SYN3: variants seen among roughly 807,000 people sequenced by gnomAD.
The protein encoded by SYN3 is synapsin-3.
SYN3 carries 35 observed loss-of-function variants against 65.8 expected under a neutral mutation model. The observed-to-expected ratio is 0.53, with a 90% CI of 0.41 to 0.70. The LOEUF (loss-of-function observed/expected upper bound fraction) is 0.70. Ranked by LOEUF, SYN3 falls within the 30% of genes least tolerant of loss-of-function variation. The pLI is 0.00. For missense variants in SYN3, 680 were observed against 749.0 expected (o/e 0.91, Z 1.08); for synonymous variants, 270 against 292.9 (o/e 0.92, Z 0.80).
At chr22:32,716,635 A>C (rs1287081843) in intron 6 of SYN3, among the ~76,000 whole-genome samples, 3 of 152,000 alleles carry the variant, frequency 2.0e-5, no homozygotes, top group African/African-American at 7.2e-5. Context: ...AGTTCAAGTC[A>C]TCCTCCCATC....
intron 7 of SYN3, among the ~76,000 whole-genome samples, chr22:32,557,410 A>C (rs76073667): frequency 0.015 from 2,259 of 152,274 alleles, 58 homozygotes; most frequent in African/African-American, 0.052. Flanking sequence ...AACAATTCAC[A>C]GTGGGTGTTG....
chr22:32,904,289 C>G (rs1374257016), intron 4 of SYN3, among the ~76,000 whole-genome samples: 2 of 152,232 alleles, frequency 1.3e-5, no homozygotes, highest in Admixed American at 6.5e-5. Flanking sequence ...CAATATGGCT[C>G]TGCGAGGCCT....
chr22:32,871,562 T>A (rs2048850095), intron 4 of SYN3, among the ~76,000 whole-genome samples: 1 of 152,128 alleles, frequency 6.6e-6, no homozygotes, highest in Non-Finnish European at 1.5e-5. Flanking sequence ...GGCTACAAGG[T>A]CCCAAATGGG....
At chr22:32,900,371 C>G (rs1396074667) in intron 4 of SYN3, among the ~76,000 whole-genome samples, 1 of 152,312 alleles carries the variant, frequency 6.6e-6, no homozygotes, top group South Asian at 2.1e-4. Flanking sequence ...CTGCAAAGTT[C>G]CGGGCAAATT....
At chr22:32,790,457 G>A (rs1167141337) in intron 6 of SYN3, among the ~76,000 whole-genome samples, 3 of 138,774 alleles carry the variant, frequency 2.2e-5, no homozygotes, top group African/African-American at 5.3e-5. Context: ...ACGGAGTCTC[G>A]CTTTGTTGCC....
At chr22:32,718,359 C>T (rs1239299044) in intron 6 of SYN3, among the ~76,000 whole-genome samples, 1 of 152,046 alleles carries the variant, frequency 6.6e-6, no homozygotes, top group African/African-American at 2.4e-5. Flanking sequence ...ACTTCTCTGA[C>T]CTCAATGCTC....
chr22:32,581,230 T>C (rs3788461), intron 7 of SYN3, among the ~76,000 whole-genome samples: 77,886 of 152,048 alleles, frequency 0.51, 22,871 homozygotes, highest in East Asian at 0.69. Flanking sequence ...GTGCTTCAGC[T>C]TCCTGAGCAG....
At chr22:32,514,087 T>TG (rs2057731270) in intron 13 of SYN3, among the ~76,000 whole-genome samples, 1 of 152,162 alleles carries the variant, frequency 6.6e-6, no homozygotes, top group Admixed American at 6.5e-5. Flanking sequence ...CAGCAAGTAA[T>TG]GGGGGAGCAC....
At chr22:32,694,807 C>T (rs1251092413) in intron 6 of SYN3, among the ~76,000 whole-genome samples, 1 of 152,220 alleles carries the variant, frequency 6.6e-6, no homozygotes, top group Non-Finnish European at 1.5e-5. Context: ...TGTCCACCTC[C>T]TCTATTGAAC....
intron 6 of SYN3, among the ~76,000 whole-genome samples, chr22:32,640,746 A>G (rs995650349): frequency 2.0e-5 from 3 of 152,178 alleles, no homozygotes; most frequent in African/African-American, 7.2e-5. Context: ...GGGCGCCTGT[A>G]GTCCCAGCTA....
At chr22:33,045,303 A>G (rs2054040364) in intron 1 of SYN3, among the ~76,000 whole-genome samples, 3 of 152,080 alleles carry the variant, frequency 2.0e-5, no homozygotes, top group Admixed American at 2.0e-4. Context: ...AACTGCTTAG[A>G]GTAAATCTCC....
chr22:32,781,324 G>C (rs553718971), intron 6 of SYN3, among the ~76,000 whole-genome samples: 32 of 152,148 alleles, frequency 2.1e-4, no homozygotes, highest in African/African-American at 7.7e-4. Context: ...GTACCTTATA[G>C]AACAAGTACA....
chr22:32,598,318 G>T (rs970302983), intron 6 of SYN3, among the ~76,000 whole-genome samples: 1 of 152,154 alleles, frequency 6.6e-6, no homozygotes, highest in Non-Finnish European at 1.5e-5. Flanking sequence ...GCCTTAGAAG[G>T]CAACCAGGGA....
chr22:32,671,849 G>GCACACACACGCTCTCACACAGGTA (rs2060375637), intron 6 of SYN3, among the ~76,000 whole-genome samples: 1 of 149,182 alleles, frequency 6.7e-6, no homozygotes, highest in Non-Finnish European at 1.5e-5. Context: ...TCACAAAGGT[G>GCACACACACGCTCTCACACAGGTA]CACACACACG....
At chr22:32,724,363 A>G (rs980042790) in intron 6 of SYN3, among the ~76,000 whole-genome samples, 3 of 152,152 alleles carry the variant, frequency 2.0e-5, no homozygotes, top group African/African-American at 7.2e-5. Context: ...TGTATCTGGG[A>G]CTACAGAAGG....
chr22:32,733,290 A>G (rs1044349142), intron 6 of SYN3, among the ~76,000 whole-genome samples: 7 of 152,194 alleles, frequency 4.6e-5, no homozygotes, highest in African/African-American at 1.7e-4. Flanking sequence ...TGGGGTGGAA[A>G]GAGGACAGCC....
chr22:32,971,079 C>T (rs983703436), intron 3 of SYN3, among the ~76,000 whole-genome samples: 1 of 152,166 alleles, frequency 6.6e-6, no homozygotes. Context: ...ACACTTAATG[C>T]GGCACCTAGC....
At position 32,528,957 on chromosome 22, in the gene SYN3, G is replaced by A. The variant is rs2058026457; in HGVS notation, c.1147C>T (p.Gln383Ter). The A allele has an allele frequency of 6.2e-7, 1 of 1,613,982 alleles. No homozygotes were observed. Among genetic ancestry groups the A allele is most frequent in the Non-Finnish European group, 8.5e-7 (1 of 1,180,058 alleles). Reference protein sequence around the residue: ...LIGEHVEEDRQLMADLVVSKM... With the variant: ...LIGEHVEEDR ...GAGACAACAAGGTCGGCCATCAGCT[G>A]TCTGTCCTCTTCCACATGCTCTCCA... Residue 383 changes from glutamine (Q) to a stop codon, truncating the protein, a stop_gained, in exon 11 of 14, where the codon CAG becomes TAG. Transcript: ENST00000358763. LOFTEE classifies it high-confidence loss of function.
intron 6 of SYN3, among the ~76,000 whole-genome samples, chr22:32,806,283 C>T (rs994415771): frequency 6.6e-5 from 10 of 152,108 alleles, no homozygotes; most frequent in African/African-American, 2.4e-4. Flanking sequence ...ATAGATAAGG[C>T]TAGAAAAGTG....
Sources: gnomAD v4.1 joint callset for allele counts (sites outside exome capture counted in the v4.1 genomes callset) on GRCh38, gnomAD v4.1.1 for gene constraint, MANE v1.5 for transcripts, NCBI Gene and HGNC (gene_info 2026-07-23, HGNC 2026-07-21) for gene names.